Variants in UNKL observed in about 807,000 individuals in gnomAD.
UNKL encodes unk like zinc finger, also known as putative E3 ubiquitin-protein ligase UNKL.
A neutral mutation model predicts 78.0 loss-of-function variants in UNKL; 60 were observed. The ratio of observed to expected loss-of-function variants is 0.77; its 90% CI spans 0.63 to 0.95. The LOEUF (loss-of-function observed/expected upper bound fraction) is 0.95. Among genes scored for constraint, UNKL ranks in the 40% least tolerant of loss-of-function variants. UNKL has a pLI of 0.00. For missense variants in UNKL, 1,159 were observed against 1,045.7 expected (o/e 1.11, Z -1.49); for synonymous variants, 608 against 474.8 (o/e 1.28, Z -3.65).
intron 9 of UNKL, 24 bp from the exon 10 acceptor site, chr16:1,385,409 G>A (rs2036772903): frequency 7.5e-7 from 1 of 1,339,190 alleles, no homozygotes. Context: ...TAAACACCGT[G>A]AGCGCGCACC....
At position 1,370,079 on chromosome 16, in the gene UNKL, G is replaced by A. The variant is rs576003767; in HGVS notation, c.1585+51C>T. ...CAGTCAGGACGGCATCTGGGAGGGAGCCCCACGGAGGCTTCACGGCAACGC... is the reference window on the plus strand; with the variant it reads ...CAGTCAGGACGGCATCTGGGAGGGAACCCCACGGAGGCTTCACGGCAACGC... On this transcript the variant is annotated intron_variant, in intron 12 of 14. Transcript: ENST00000389221. 10 of 1,546,952 alleles carry A rather than the reference G, an allele frequency of 6.5e-6. No individual in the cohort carries two copies. The East Asian group carries it at 2.2e-4, about 34-fold the overall frequency.
Position 1,392,837 on chromosome 16 carries a change from G to A in UNKL, c.1023+54C>T, listed in dbSNP as rs1405169777. 14 of 1,538,668 alleles carry A rather than the reference G, an allele frequency of 9.1e-6. No homozygotes were observed. The Admixed American group carries it at 2.6e-4, about 28-fold the overall frequency. ...CTCATATCCATCCACATCCCTAAGA[G>A]TTCAATTAAACCAAAGGACACTGGG... is the stretch of plus-strand genomic sequence containing the variant. On this transcript the variant is annotated intron_variant, in intron 8 of 14. Coordinates refer to ENST00000389221, the MANE Select transcript of UNKL (RefSeq NM_001372107.1).
chr16:1,394,433 G>A (rs947949742), intron 6 of UNKL: 1 of 693,646 alleles, frequency 1.4e-6, no homozygotes, highest in Non-Finnish European at 2.6e-6. Context: ...ACACATGTGG[G>A]GCCATTCCCG....
intron 7 of UNKL, 147 bp from the exon 8 acceptor site, chr16:1,393,123 T>C: frequency 2.5e-6 from 2 of 795,086 alleles, no homozygotes; most frequent in Admixed American, 2.2e-5. Context: ...GGCTGGGCAG[T>C]GGTGGGGACA....
Position 1,370,495 on chromosome 16 carries a change from G to A in UNKL, c.1358-138C>T, listed in dbSNP as rs1210875272. 14 of 1,342,842 alleles carry A rather than the reference G, an allele frequency of 1.0e-5. No individual in the cohort carries two copies. The African/African-American group carries it at 2.1e-4, about 20-fold the overall frequency. 83.2% of individuals were successfully genotyped at this position (1,342,842 alleles called of 1,614,324 possible). A position where few individuals can be genotyped will look rare whatever the true frequency, so the allele number is the denominator to read the frequency against. ...TGGGGGGTGGGAATATAGGGGCCAG[G>A]CCAGCCACCACCATCTATGTGTTTG... On this transcript the variant is annotated intron_variant, in intron 11 of 14. Transcript: ENST00000389221.
rs2035416125 is a variant in UNKL at position 1,367,675 on chromosome 16, G to A, written c.1769C>T (p.Ser590Phe). 1.3e-6 allele frequency: 2 copies of A among 1,574,986 alleles called. No homozygotes were observed. Among genetic ancestry groups the A allele is most frequent in the African/African-American group, 1.4e-5 (1 of 72,986 alleles). Residue 590 changes from serine to phenylalanine, a missense_variant, in exon 13 of 15, where the codon TCC becomes TTC. Ser to Phe is a radical substitution (Grantham distance 155, BLOSUM62 -2). Coordinates refer to ENST00000389221, the MANE Select transcript of UNKL (RefSeq NM_001372107.1). Reference sequence around the variant, plus strand: ...ACTCACCTGCTTCACCTGCTGCCAGGACTCCTCCCACTGCCGGATCTTCCT... The same window carrying A: ...ACTCACCTGCTTCACCTGCTGCCAGAACTCCTCCCACTGCCGGATCTTCCT... The part of the protein sequence containing the change: ...AKRKIRQWEE[S>F]WQQVKQVCDA...
chr16:1,376,396 C>G (rs2036229222), intron 10 of UNKL, among the ~76,000 whole-genome samples: 1 of 150,374 alleles, frequency 6.7e-6, no homozygotes, highest in Non-Finnish European at 1.5e-5. Context: ...CTGGGGCACT[C>G]CTCCTCCCTC....
chr16:1,395,912 CT>C, intron 6 of UNKL: 1 of 386,736 alleles, frequency 2.6e-6, no homozygotes, highest in African/African-American at 2.1e-5. Flanking sequence ...GCGCCTGGTC[CT>C]TCCCAGCCCC....
At chr16:1,379,358 C>A (rs988065189) in intron 10 of UNKL, among the ~76,000 whole-genome samples, 22 of 152,156 alleles carry the variant, frequency 1.4e-4, no homozygotes, top group African/African-American at 5.3e-4. Flanking sequence ...TCCCTCGGGG[C>A]ACCGACCCCG....
chr16:1,366,760 A>C (rs555912036), intron 14 of UNKL, among the ~76,000 whole-genome samples: 20 of 152,148 alleles, frequency 1.3e-4, no homozygotes, highest in African/African-American at 4.8e-4. Flanking sequence ...CGAGGTGAGG[A>C]GGGGCACGCC....
chr16:1,390,606 G>A (rs2037007789), intron 9 of UNKL, 26 bp downstream of exon 9: 11 of 1,535,590 alleles, frequency 7.2e-6, no homozygotes, highest in South Asian at 1.2e-5. Flanking sequence ...TCAGGCACGA[G>A]GGTGGGAAAC....
chr16:1,396,955 G>T, intron 6 of UNKL: 1 of 559,770 alleles, frequency 1.8e-6, no homozygotes, highest in Non-Finnish European at 3.2e-6. Context: ...TCTGTTACAG[G>T]CCAAGTGGAG....
At chr16:1,394,458 C>T (rs2037176614) in intron 6 of UNKL, 1 of 674,646 alleles carries the variant, frequency 1.5e-6, no homozygotes, top group Non-Finnish European at 2.7e-6. Context: ...ATCTGCCCTC[C>T]CATCACAGGC....
chr16:1,412,391 A>T (rs1596786703), intron 2 of UNKL: 1 of 151,488 alleles, frequency 6.6e-6, no homozygotes. Flanking sequence ...AGGGAGAATC[A>T]CCTGAGGTCA....
At chr16:1,409,396 A>C (rs981041656) in intron 2 of UNKL, among the ~76,000 whole-genome samples, 1 of 71,340 alleles carries the variant, frequency 1.4e-5, no homozygotes, top group African/African-American at 6.7e-5. Flanking sequence ...GGAATGAAGG[A>C]TAATTATGGA....
intron 10 of UNKL, among the ~76,000 whole-genome samples, chr16:1,382,272 T>C (rs1189067618): frequency 2.6e-5 from 4 of 152,220 alleles, no homozygotes; most frequent in East Asian, 1.9e-4. Context: ...TCCTCCTCCA[T>C]AGAGGCTCCG....
Position 1,367,875 on chromosome 16 carries a change from C to T in UNKL, c.1586-17G>A, listed in dbSNP as rs749316325. On this transcript the variant is annotated splice_polypyrimidine_tract_variant and intron_variant, in intron 12 of 14. Transcript: ENST00000389221. The stretch of plus-strand genomic sequence containing the variant: ...CGTTCAAACCTGAGTGTGAAACGGT[C>T]GATGACGGCCCAGCCCTGCTGTGCT... The T allele has an allele frequency of 2.0e-5, 31 of 1,543,072 alleles. No homozygotes were observed. The East Asian group carries it at 4.4e-4, about 22-fold the overall frequency.
chr16:1,382,858 T>C (rs1030263162), intron 10 of UNKL, among the ~76,000 whole-genome samples: 2 of 151,984 alleles, frequency 1.3e-5, no homozygotes, highest in African/African-American at 4.8e-5. Context: ...CTCAGGAGGC[T>C]GAGGCAGGAG....
chr16:1,369,949 T>C (rs2035655021), intron 12 of UNKL, 181 bp downstream of exon 12: 1 of 1,549,286 alleles, frequency 6.5e-7, no homozygotes, highest in African/African-American at 1.4e-5. Flanking sequence ...CAGTCCAACC[T>C]GGGCGACAGA....
Sources: allele counts gnomAD v4.1 joint callset (sites outside exome capture counted in the v4.1 genomes callset), GRCh38; gene constraint gnomAD v4.1.1; transcripts MANE v1.5; gene names NCBI Gene and HGNC (gene_info 2026-07-23, HGNC 2026-07-21).